The following CDC42 variants were observed in gnomAD, a reference collection of about 807,000 sequenced individuals.
The protein encoded by CDC42 is cell division control protein 42 homolog.
Under a neutral mutation model 20.8 loss-of-function variants are expected in CDC42, and 1 was observed. That is an observed-to-expected ratio of 0.05 (90% CI 0.02 to 0.23). The LOEUF (loss-of-function observed/expected upper bound fraction) is 0.23, where lower values mean the gene tolerates loss of function less well. Ranked by LOEUF, CDC42 falls within the 10% of genes least tolerant of loss-of-function variation. The pLI, the probability that CDC42 is intolerant of heterozygous loss-of-function variation, is 1.00. For synonymous variants in CDC42, 72 were observed against 84.8 expected (o/e 0.85, Z 0.83); for missense variants, 49 against 227.9 (o/e 0.21, Z 5.05).
chr1:22,086,335 A>G, intron 3 of CDC42, 104 bp from the exon 4 acceptor site: 2 of 681,682 alleles, frequency 2.9e-6, no homozygotes, highest in Non-Finnish European at 5.2e-6. Context: ...ACATTTTATT[A>G]GATAAGTAAG....
chr1:22,054,919 ATATTTTTTTTTTTTTTTTTTTTTTTT>A lies in CDC42; in HGVS notation c.-51+2179_-51+2204del, dbSNP rs1645285416. Among the ~76,000 whole-genome samples the A allele has an allele frequency of 3.2e-3, 30 of 9,320 alleles. No homozygotes were observed. The East Asian group carries it at 0.047, about 14-fold the overall frequency. The allele number at this position is 9,320 out of a possible 152,430, so 6.1% of individuals were successfully genotyped here. A position where few individuals can be genotyped will look rare whatever the true frequency, so the allele number is the denominator to read the frequency against. ...TATATATATATATATATATATATATATATTTTTTTTTTTTTTTTTTTTTTTTTTTTTTTTTTTTTTTTTTTTTTTTT... is the reference window on the plus strand; with the variant it reads ...TATATATATATATATATATATATATATTTTTTTTTTTTTTTTTTTTTTTTT... On this transcript the variant is annotated intron_variant, in intron 1 of 5. Coordinates refer to ENST00000656825, the MANE Select transcript of CDC42 (RefSeq NM_001791.4).
In CDC42 at chr1:22,098,800, C is replaced by T. The variant is rs759864768; in HGVS notation, c.*7283C>T. On this transcript the variant is annotated 3_prime_UTR_variant, in exon 6 of 6. Transcript: ENST00000656825. ...TGGAGACAGGGTCTCACTCTGTCAC[C>T]CAGGCTGGAGTGCAGTGTCGTGGTC... Among the ~76,000 whole-genome samples, 35 of 152,154 alleles carry T rather than the reference C, an allele frequency of 2.3e-4. No homozygotes were observed. The highest frequency in any genetic ancestry group is 4.1e-4 in the Non-Finnish European group (28 of 67,990).
chr1:22,081,178 C>A (rs992101293), intron 2 of CDC42, among the ~76,000 whole-genome samples: 3 of 152,044 alleles, frequency 2.0e-5, no homozygotes, highest in African/African-American at 7.2e-5. Flanking sequence ...CAAAAAAAAA[C>A]TTCCCAGCAA....
In CDC42 at chr1:22,092,262, C is replaced by T. The variant is rs1359340248; in HGVS notation, c.*745C>T. On this transcript the variant is annotated 3_prime_UTR_variant, in exon 6 of 6. Coordinates refer to ENST00000656825, the MANE Select transcript of CDC42 (RefSeq NM_001791.4). Reference sequence around the variant, plus strand: ...CTTTTCTAGGACGCACTATATGTGACTGTGACTTTCAAGGACATTTGTTTG... The same window carrying T: ...CTTTTCTAGGACGCACTATATGTGATTGTGACTTTCAAGGACATTTGTTTG... 6.6e-6 allele frequency: 1 copy of T among 152,556 alleles called. No homozygotes were observed. Among genetic ancestry groups the T allele is most frequent in the Non-Finnish European group, 1.5e-5 (1 of 68,018 alleles). The allele number at this position is 152,556 out of a possible 1,614,324, so 9.5% of individuals were successfully genotyped here.
chr1:22,084,283 C>T (rs1352503332), intron 3 of CDC42, among the ~76,000 whole-genome samples: 1 of 147,216 alleles, frequency 6.8e-6, no homozygotes, highest in South Asian at 2.1e-4. Flanking sequence ...TTCCTACCAA[C>T]AGTACGTGGG....
In CDC42 at chr1:22,093,963, C is replaced by T. The variant is rs1215660172; in HGVS notation, c.*2446C>T. ...TTGTGTCAACGAATTATCCGTGTAT[C>T]AGAAGAACAAGGATGATGGGGATTG... On this transcript the variant is annotated 3_prime_UTR_variant, in exon 6 of 6. Coordinates refer to ENST00000656825, the MANE Select transcript of CDC42 (RefSeq NM_001791.4). 6.6e-6 allele frequency among the ~76,000 whole-genome samples: 1 copy of T among 152,130 alleles called. No individual in the cohort carries two copies. Among genetic ancestry groups the T allele is most frequent in the Non-Finnish European group, 1.5e-5 (1 of 68,048 alleles).
chr1:22,053,497 C>G (rs1218193606), intron 1 of CDC42: 10 of 152,352 alleles, frequency 6.6e-5, no homozygotes, highest in African/African-American at 1.9e-4. Flanking sequence ...GCTGAAGCTT[C>G]CCTTTCGGGG....
At chr1:22,054,942 T>A (rs1256738289) in intron 1 of CDC42, among the ~76,000 whole-genome samples, 25 of 32,270 alleles carry the variant, frequency 7.7e-4, no homozygotes, top group Non-Finnish European at 1.0e-3. Context: ...TTTTTTTTTT[T>A]TTTTTTTTTT....
In CDC42 at chr1:22,094,550, G is replaced by A. The variant is rs371882195; in HGVS notation, c.*3033G>A. On this transcript the variant is annotated 3_prime_UTR_variant, in exon 6 of 6. Coordinates refer to ENST00000656825, the MANE Select transcript of CDC42 (RefSeq NM_001791.4). ...CTGACCTCGTGATCCGCCCGCCTCG[G>A]CCTCCCAAAGTGCTGGGATTACAGG... Among the ~76,000 whole-genome samples the A allele has an allele frequency of 2.8e-3, 427 of 151,528 alleles. 11 individuals carry two copies. Among genetic ancestry groups the A allele is most frequent in the African/African-American group, 9.8e-3 (403 of 41,154 alleles).
intron 1 of CDC42, among the ~76,000 whole-genome samples, chr1:22,072,928 A>G (rs1036639044): frequency 6.6e-6 from 1 of 152,186 alleles, no homozygotes; most frequent in Non-Finnish European, 1.5e-5. Context: ...GTGTAATCTT[A>G]TTGAGAATAT....
intron 3 of CDC42, 81 bp downstream of exon 3, chr1:22,081,875 T>C: frequency 3.4e-6 from 3 of 876,480 alleles, no homozygotes; most frequent in South Asian, 1.4e-5. Context: ...TTTGAGAAAC[T>C]AGCACATGAG....
intron 1 of CDC42, among the ~76,000 whole-genome samples, chr1:22,064,491 A>G (rs924253749): frequency 4.0e-5 from 6 of 151,758 alleles, no homozygotes; most frequent in Admixed American, 3.3e-4. Context: ...GGGTTTTGCC[A>G]TGTTGGCCAG....
intron 2 of CDC42, among the ~76,000 whole-genome samples, chr1:22,079,038 A>G (rs1186912345): frequency 6.6e-6 from 1 of 152,050 alleles, no homozygotes; most frequent in African/African-American, 2.4e-5. Context: ...ATGGAGCTCC[A>G]AACTGGTTCT....
chr1:22,060,343 TA>T (rs1453729496), intron 1 of CDC42, among the ~76,000 whole-genome samples: 101 of 142,870 alleles, frequency 7.1e-4, no homozygotes, highest in Non-Finnish European at 6.9e-4. Context: ...CTCAAAAAAT[TA>T]AAAAAAAAAA....
At chr1:22,061,032 A>G (rs16826293) in intron 1 of CDC42, among the ~76,000 whole-genome samples, 23,042 of 152,162 alleles carry the variant, frequency 0.15, 2,177 homozygotes, top group Middle Eastern at 0.32. Flanking sequence ...AGGGTAGGGG[A>G]TAATTTTAGA....
Position 22,070,126 on chromosome 1 carries a change from T to C in CDC42, c.-50-8303T>C, listed in dbSNP as rs574300017. Among the ~76,000 whole-genome samples the C allele has an allele frequency of 4.6e-5, 7 of 152,314 alleles. No individual in the cohort carries two copies. In the East Asian group the frequency reaches 1.4e-3, roughly 29 times the overall value. On this transcript the variant is annotated intron_variant, in intron 1 of 5. Transcript: ENST00000656825. ...TTCTAAGCAATGTTGTATTCTTAAT[T>C]GAACATGTAAAAAGTAAAGTAGAGA...
At chr1:22,078,873 T>C in intron 2 of CDC42, 1 of 1,297,554 alleles carries the variant, frequency 7.7e-7, no homozygotes, top group South Asian at 1.4e-5. Flanking sequence ...CCCTACATCT[T>C]GGAATGAGGT....
chr1:22,093,503 A>C lies in CDC42; in HGVS notation c.*1986A>C, dbSNP rs183716243. ...CAAGAAAGGTTTATTTACCTTTAGG[A>C]CATTATACTGATCTGCATGAGAATC... On this transcript the variant is annotated 3_prime_UTR_variant, in exon 6 of 6. Coordinates refer to ENST00000656825, the MANE Select transcript of CDC42 (RefSeq NM_001791.4). Among the ~76,000 whole-genome samples the C allele has an allele frequency of 6.6e-6, 1 of 152,218 alleles. No homozygotes were observed. The highest frequency in any genetic ancestry group is 1.5e-5 in the Non-Finnish European group (1 of 68,028).
In CDC42 at chr1:22,093,329, A is replaced by G. The variant is rs1645734032; in HGVS notation, c.*1812A>G. On this transcript the variant is annotated 3_prime_UTR_variant, in exon 6 of 6. Transcript: ENST00000656825. Reference sequence around the variant, plus strand: ...GGTTCTCCAACTGGAGTGCAGCTTGAACAATGTGATTTTTAAGTTTTCCAG... The same window carrying G: ...GGTTCTCCAACTGGAGTGCAGCTTGGACAATGTGATTTTTAAGTTTTCCAG... Among the ~76,000 whole-genome samples, 1 of 152,206 alleles carries G rather than the reference A, an allele frequency of 6.6e-6. No individual in the cohort carries two copies.
Sources: allele counts gnomAD v4.1 joint callset (sites outside exome capture counted in the v4.1 genomes callset), GRCh38; gene constraint gnomAD v4.1.1; transcripts MANE v1.5; gene names NCBI Gene and HGNC (gene_info 2026-07-23, HGNC 2026-07-21).